The following FREM1 variants were observed in gnomAD, a reference collection of about 807,000 sequenced individuals.
FREM1 encodes the protein FRAS1-related extracellular matrix protein 1.
Under a neutral mutation model 210.1 loss-of-function variants are expected in FREM1, and 220 were observed. The observed-to-expected ratio is 1.05, with a 90% CI of 0.94 to 1.17. The LOEUF is 1.17. Ranked by LOEUF, FREM1 falls within the 50% of genes most tolerant of loss-of-function variation. FREM1 has a pLI of 0.00. For missense variants in FREM1, 3,454 were observed against 2,675.5 expected (o/e 1.29, Z -6.42); for synonymous variants, 1,189 against 980.2 (o/e 1.21, Z -3.98).
intron 1 of FREM1, among the ~76,000 whole-genome samples, chr9:14,896,339 T>C (rs1441498332): frequency 1.3e-5 from 2 of 151,468 alleles, no homozygotes; most frequent in East Asian, 1.9e-4. Context: ...AGGTCAGGAG[T>C]TCGAGACCAG....
chr9:14,853,270 A>T (rs1828097355), intron 5 of FREM1, among the ~76,000 whole-genome samples: 1 of 152,200 alleles, frequency 6.6e-6, no homozygotes, highest in African/African-American at 2.4e-5. Context: ...AGGGACATAT[A>T]AATGTTTCCA....
At chr9:14,816,365 C>T (rs1402290635) in intron 15 of FREM1, among the ~76,000 whole-genome samples, 1 of 152,116 alleles carries the variant, frequency 6.6e-6, no homozygotes, top group Non-Finnish European at 1.5e-5. Context: ...CCGTAGGTTT[C>T]AAGTTCTGTC....
chr9:14,747,973 G>C (rs1842758600), intron 31 of FREM1, among the ~76,000 whole-genome samples: 1 of 152,040 alleles, frequency 6.6e-6, no homozygotes, highest in Non-Finnish European at 1.5e-5. Flanking sequence ...TTTATTTTTT[G>C]GTATATCTAT....
chr9:14,886,919 A>G (rs905181637), intron 1 of FREM1, among the ~76,000 whole-genome samples: 2 of 143,208 alleles, frequency 1.4e-5, no homozygotes, highest in African/African-American at 5.3e-5. Flanking sequence ...AAAAAAAAAA[A>G]GAAGCTATCA....
At chr9:14,741,267 T>C (rs1473358052) in intron 35 of FREM1, among the ~76,000 whole-genome samples, 1 of 152,222 alleles carries the variant, frequency 6.6e-6, no homozygotes, top group African/African-American at 2.4e-5. Flanking sequence ...TTATTTATTT[T>C]GCCTATGTCT....
chr9:14,888,090 G>A (rs757889279), intron 1 of FREM1, among the ~76,000 whole-genome samples: 2 of 152,236 alleles, frequency 1.3e-5, no homozygotes, highest in East Asian at 1.9e-4. Context: ...GAGCCACCAC[G>A]TCTGGCCAAA....
intron 23 of FREM1, among the ~76,000 whole-genome samples, chr9:14,784,928 G>A (rs938526254): frequency 6.6e-6 from 1 of 152,190 alleles, no homozygotes; most frequent in Non-Finnish European, 1.5e-5. Flanking sequence ...TGATTGGCAA[G>A]GATGTAGAAG....
At chr9:14,873,611 A>G (rs1588516224) in intron 1 of FREM1, among the ~76,000 whole-genome samples, 1 of 152,190 alleles carries the variant, frequency 6.6e-6, no homozygotes, top group East Asian at 1.9e-4. Flanking sequence ...TCCTTTCAAA[A>G]AAACCAGATC....
chr9:14,775,008 T>C (rs1043080156), intron 25 of FREM1, among the ~76,000 whole-genome samples: 1 of 152,234 alleles, frequency 6.6e-6, no homozygotes, highest in Non-Finnish European at 1.5e-5. Context: ...ATTGCTGCTA[T>C]TATTACCCTC....
intron 10 of FREM1, among the ~76,000 whole-genome samples, chr9:14,838,651 A>G (rs1825070001): frequency 6.6e-6 from 1 of 152,216 alleles, no homozygotes; most frequent in Admixed American, 6.5e-5. Context: ...TAGTTTCAGT[A>G]AATGTTGAAA....
At chr9:14,746,574 T>A in intron 34 of FREM1, 106 bp from the exon 35 acceptor site, 2 of 866,942 alleles carry the variant, frequency 2.3e-6, no homozygotes, top group Non-Finnish European at 3.8e-6. Context: ...AGTAGTTTGG[T>A]TACCACAAAG....
intron 20 of FREM1, among the ~76,000 whole-genome samples, chr9:14,798,545 G>A (rs1216977814): frequency 6.6e-6 from 1 of 152,096 alleles, no homozygotes; most frequent in Non-Finnish European, 1.5e-5. Context: ...AGGAATTTGA[G>A]GCTGCAGTGA....
chr9:14,776,113 C>T lies in FREM1; in HGVS notation c.4533G>A (p.Arg1511=). ...CTTGGGCCAGTCTCAACCCCTTGTTCCTGGTTACCACAGGCAGGGCTCTGT... is the reference window on the plus strand; with the variant it reads ...CTTGGGCCAGTCTCAACCCCTTGTTTCTGGTTACCACAGGCAGGGCTCTGT... ...TVDRALPVVT[R]NKGLRLAQGA... The change falls in exon 25 of 37, where the codon AGG becomes AGA. Residue 1511 remains arginine (R), a synonymous_variant. Coordinates refer to ENST00000380880, the MANE Select transcript of FREM1 (RefSeq NM_001379081.2). 1 of 1,600,786 alleles carries T rather than the reference C, an allele frequency of 6.2e-7. No individual in the cohort carries two copies. Among genetic ancestry groups the T allele is most frequent in the Non-Finnish European group, 8.5e-7 (1 of 1,171,978 alleles).
At chr9:14,844,507 G>C (rs560843040) in intron 8 of FREM1, among the ~76,000 whole-genome samples, 16 of 152,262 alleles carry the variant, frequency 1.1e-4, no homozygotes, top group Admixed American at 5.2e-4. Flanking sequence ...TTACAGGTGT[G>C]AGCCACTGTG....
intron 13 of FREM1, among the ~76,000 whole-genome samples, 164 bp from the exon 14 acceptor site, chr9:14,819,606 A>C (rs767139468): frequency 8.5e-5 from 13 of 152,246 alleles, no homozygotes; most frequent in Non-Finnish European, 5.9e-5. Context: ...TTTGACTGAA[A>C]AATTTTTTTT....
intron 21 of FREM1, among the ~76,000 whole-genome samples, chr9:14,796,383 C>T (rs986807904): frequency 1.1e-4 from 17 of 152,158 alleles, no homozygotes; most frequent in African/African-American, 4.1e-4. Context: ...AAGAGTTGGT[C>T]CCCTAAAACT....
intron 24 of FREM1, among the ~76,000 whole-genome samples, chr9:14,784,011 A>T (rs937429215): frequency 6.6e-6 from 1 of 152,066 alleles, no homozygotes; most frequent in Non-Finnish European, 1.5e-5. Context: ...AGCTTTTCAC[A>T]TTTCTCCTCG....
intron 1 of FREM1, among the ~76,000 whole-genome samples, chr9:14,878,096 G>A (rs10810279): frequency 0.086 from 13,039 of 152,074 alleles, 854 homozygotes; most frequent in African/African-American, 0.18. Flanking sequence ...ATCACAGTCA[G>A]TATTTTGATT....
intron 15 of FREM1, among the ~76,000 whole-genome samples, chr9:14,814,796 A>G (rs1429568932): frequency 1.3e-5 from 2 of 152,222 alleles, no homozygotes; most frequent in Non-Finnish European, 2.9e-5. Context: ...GGTAAAAAAA[A>G]AATCACAAAC....
Sources: allele counts gnomAD v4.1 joint callset (sites outside exome capture counted in the v4.1 genomes callset), GRCh38; gene constraint gnomAD v4.1.1; transcripts MANE v1.5; gene names NCBI Gene and HGNC (gene_info 2026-07-23, HGNC 2026-07-21).